IL1RAPL2: variants seen among roughly 807,000 people sequenced by gnomAD.
The protein encoded by IL1RAPL2 is interleukin 1 receptor accessory protein like 2.
Under a neutral mutation model 44.1 loss-of-function variants are expected in IL1RAPL2, and 3 were observed. That is an observed-to-expected ratio of 0.07 (90% CI 0.03 to 0.18). The LOEUF (loss-of-function observed/expected upper bound fraction) is 0.18, where lower values mean the gene tolerates loss of function less well. IL1RAPL2 is among the 10% of genes least tolerant of loss of function. The pLI is 1.00. For missense variants in IL1RAPL2, 391 were observed against 496.4 expected, an observed-to-expected ratio of 0.79 and a Z score of 2.02; for synonymous variants, 181 against 178.8, an observed-to-expected ratio of 1.01 and a Z score of -0.10.
At chrX:104,739,826 A>G (rs773319869) in intron 2 of IL1RAPL2, among the ~76,000 whole-genome samples, 1 of 111,491 alleles carries the variant, frequency 9.0e-6, no homozygotes, top group African/African-American at 3.3e-5. Flanking sequence ...TCCATCTTGT[A>G]TATTTGGATA....
chrX:105,357,505 T>A (rs1432489995), intron 5 of IL1RAPL2, among the ~76,000 whole-genome samples: 1 of 111,688 alleles, frequency 9.0e-6, no homozygotes, highest in Non-Finnish European at 1.9e-5. Context: ...TTTCAGTAAT[T>A]GTTATTTCTT....
At chrX:105,056,278 C>T (rs777418161) in intron 2 of IL1RAPL2, among the ~76,000 whole-genome samples, 8 of 111,699 alleles carry the variant, frequency 7.2e-5, no homozygotes, top group Non-Finnish European at 1.3e-4. Context: ...CATCAATAAT[C>T]GGACAGAGCA....
At chrX:104,741,830 CA>C (rs1932105974) in intron 2 of IL1RAPL2, among the ~76,000 whole-genome samples, 1 of 110,726 alleles carries the variant, frequency 9.0e-6, no homozygotes, top group Non-Finnish European at 1.9e-5. Context: ...ACATTCAGTG[CA>C]AGAAAAAAGT....
chrX:104,952,569 T>C (rs1704317559), intron 2 of IL1RAPL2, among the ~76,000 whole-genome samples: 1 of 111,915 alleles, frequency 8.9e-6, no homozygotes, highest in African/African-American at 3.2e-5. Flanking sequence ...TTATGTATTA[T>C]TTCCCAGAAG....
Position 105,318,262 on chromosome X carries a change from C to T in IL1RAPL2, c.697+50721C>T, listed in dbSNP as rs775094042. Among the ~76,000 whole-genome samples the T allele has an allele frequency of 4.5e-5, 5 of 111,567 alleles. 1 individual carries two copies. The South Asian group carries it at 1.1e-3, about 25-fold the overall frequency. Reference sequence around the variant, plus strand: ...TGGTGGGATTACAGGCGTGAGCCACCGCGCCAGGCAGAAGTAAGTATTTTC... The same window carrying T: ...TGGTGGGATTACAGGCGTGAGCCACTGCGCCAGGCAGAAGTAAGTATTTTC... On this transcript the variant is annotated intron_variant, in intron 5 of 10. Coordinates refer to ENST00000372582, the MANE Select transcript of IL1RAPL2 (RefSeq NM_017416.2).
intron 2 of IL1RAPL2, among the ~76,000 whole-genome samples, chrX:104,917,572 A>G (rs887436735): frequency 8.9e-6 from 1 of 111,772 alleles, no homozygotes; most frequent in African/African-American, 3.3e-5. Flanking sequence ...GCAGGAATGG[A>G]ATTCTTCACC....
intron 6 of IL1RAPL2, among the ~76,000 whole-genome samples, chrX:105,531,639 T>C (rs1265829990): frequency 2.7e-5 from 3 of 112,303 alleles, no homozygotes; most frequent in Non-Finnish European, 3.8e-5. Context: ...ACTATACCAA[T>C]GTCCTGGTGA....
rs998109693 is a variant in IL1RAPL2 at position 105,184,354 on chromosome X, A to T, written c.83-11121A>T. 1.4e-4 allele frequency among the ~76,000 whole-genome samples: 15 copies of T among 110,629 alleles called. No homozygotes were observed. The East Asian group carries it at 3.1e-3, about 23-fold the overall frequency. On this transcript the variant is annotated intron_variant, in intron 2 of 10. Coordinates refer to ENST00000372582, the MANE Select transcript of IL1RAPL2 (RefSeq NM_017416.2). ...TATTTGCCTTTTTAACTTAAAAAAAATTTCATATAATTAAACTATTGCAGT... is the reference window on the plus strand; with the variant it reads ...TATTTGCCTTTTTAACTTAAAAAAATTTTCATATAATTAAACTATTGCAGT...
At chrX:104,584,605 A>G (rs2147993639) in intron 1 of IL1RAPL2, among the ~76,000 whole-genome samples, 1 of 111,100 alleles carries the variant, frequency 9.0e-6, no homozygotes, top group African/African-American at 3.3e-5. Flanking sequence ...TCCTGACCCA[A>G]ATGTTGAAAA....
At chrX:105,432,508 A>T (rs1436411897) in intron 5 of IL1RAPL2, among the ~76,000 whole-genome samples, 1 of 110,662 alleles carries the variant, frequency 9.0e-6, no homozygotes, top group Non-Finnish European at 1.9e-5. Flanking sequence ...AGATAGGAAA[A>T]ATGTGGCTGG....
At chrX:104,896,785 T>C (rs1923662118) in intron 2 of IL1RAPL2, among the ~76,000 whole-genome samples, 1 of 111,356 alleles carries the variant, frequency 9.0e-6, no homozygotes, top group Non-Finnish European at 1.9e-5. Flanking sequence ...CCTCACTCTT[T>C]GGGTCCACAC....
intron 2 of IL1RAPL2, among the ~76,000 whole-genome samples, chrX:104,751,054 C>T (rs984144059): frequency 9.0e-6 from 1 of 111,052 alleles, no homozygotes; most frequent in African/African-American, 3.3e-5. Flanking sequence ...ACACAAGCTA[C>T]AAGATTATGA....
chrX:104,623,700 T>G (rs1027088461), intron 1 of IL1RAPL2, among the ~76,000 whole-genome samples: 5 of 111,123 alleles, frequency 4.5e-5, no homozygotes, highest in African/African-American at 1.6e-4. Flanking sequence ...CCCCAGGTTT[T>G]GGGGGAACTA....
chrX:105,521,146 G>A (rs1191503326), intron 6 of IL1RAPL2, among the ~76,000 whole-genome samples: 2 of 99,043 alleles, frequency 2.0e-5, no homozygotes, highest in African/African-American at 3.8e-5. Context: ...GGGTTTCACC[G>A]TGTGAACCAG....
At chrX:104,995,335 C>A (rs1359393480) in intron 2 of IL1RAPL2, among the ~76,000 whole-genome samples, 1 of 111,821 alleles carries the variant, frequency 8.9e-6, no homozygotes, top group East Asian at 2.8e-4. Flanking sequence ...TGGCACATAG[C>A]AGCTGTTTAA....
At chrX:105,193,213 AT>A (rs1284694307) in intron 2 of IL1RAPL2, among the ~76,000 whole-genome samples, 3 of 110,595 alleles carry the variant, frequency 2.7e-5, no homozygotes, top group Non-Finnish European at 3.8e-5. Flanking sequence ...TAGCATTTCA[AT>A]TTTTTTTTCT....
rs147347182 is a variant in IL1RAPL2 at position 105,053,415 on chromosome X, T to C, written c.83-142060T>C. On this transcript the variant is annotated intron_variant, in intron 2 of 10. Coordinates refer to ENST00000372582, the MANE Select transcript of IL1RAPL2 (RefSeq NM_017416.2). The stretch of plus-strand genomic sequence containing the variant: ...TCTATGCCAGGCACCATGCTATGGG[T>C]GTCACTTACATTGTGTCATTAAGTC... Among the ~76,000 whole-genome samples the C allele has an allele frequency of 1.1e-3, 121 of 111,535 alleles. 1 individual carries two copies. The highest frequency in any genetic ancestry group is 3.8e-3 in the African/African-American group (116 of 30,661).
chrX:105,460,648 G>T (rs1314088277), intron 5 of IL1RAPL2, among the ~76,000 whole-genome samples: 1 of 111,438 alleles, frequency 9.0e-6, no homozygotes, highest in Admixed American at 9.6e-5. Flanking sequence ...TGAAATTAAA[G>T]GTCAGGGATC....
At chrX:105,333,679 C>T (rs1216898927) in intron 5 of IL1RAPL2, among the ~76,000 whole-genome samples, 1 of 111,389 alleles carries the variant, frequency 9.0e-6, no homozygotes, top group Non-Finnish European at 1.9e-5. Flanking sequence ...AAAAAATCTA[C>T]TCATCTGATT....
Sources: gnomAD v4.1 joint callset for allele counts (sites outside exome capture counted in the v4.1 genomes callset) on GRCh38, gnomAD v4.1.1 for gene constraint, MANE v1.5 for transcripts, NCBI Gene and HGNC (gene_info 2026-07-23, HGNC 2026-07-21) for gene names.